Variants in ZCCHC7 observed in about 807,000 individuals in gnomAD.
ZCCHC7 encodes zinc finger CCHC-type containing 7.
Under a neutral mutation model 52.0 loss-of-function variants are expected in ZCCHC7, and 35 were observed. That is an observed-to-expected ratio of 0.67 (90% confidence interval 0.51 to 0.89). The LOEUF (loss-of-function observed/expected upper bound fraction) is 0.89. Ranked by LOEUF, ZCCHC7 falls within the 40% of genes least tolerant of loss-of-function variation. The probability of loss-of-function intolerance (pLI) is 0.00; values close to 1 mark genes in which losing one functional copy is unlikely to be tolerated. For synonymous variants in ZCCHC7, 217 were observed against 221.5 expected, an observed-to-expected ratio of 0.98 and a Z score of 0.18; for missense variants, 574 against 649.1, an observed-to-expected ratio of 0.88 and a Z score of 1.26.
chr9:37,309,678 T>G (rs1315930620), intron 5 of ZCCHC7, among the ~76,000 whole-genome samples: 2 of 152,164 alleles, frequency 1.3e-5, no homozygotes, highest in Non-Finnish European at 2.9e-5. Context: ...ACCCAGCACT[T>G]TGGGAGGCCG....
chr9:37,218,635 C>T (rs1824641888), intron 2 of ZCCHC7, among the ~76,000 whole-genome samples: 1 of 152,044 alleles, frequency 6.6e-6, no homozygotes, highest in South Asian at 2.1e-4. Context: ...ATGGTGAAAC[C>T]CTGTCTCTAC....
At chr9:37,162,498 C>T (rs1054878239) in intron 2 of ZCCHC7, among the ~76,000 whole-genome samples, 1 of 152,102 alleles carries the variant, frequency 6.6e-6, no homozygotes, top group African/African-American at 2.4e-5. Flanking sequence ...AGGGACCCTT[C>T]AGGAGTGGAG....
At chr9:37,222,682 C>T (rs1020106547) in intron 2 of ZCCHC7, among the ~76,000 whole-genome samples, 3 of 152,028 alleles carry the variant, frequency 2.0e-5, no homozygotes. Flanking sequence ...GACTTAACTA[C>T]ATCTGCATGA....
chr9:37,340,621 A>G (rs570180097), intron 6 of ZCCHC7, among the ~76,000 whole-genome samples: 4 of 152,246 alleles, frequency 2.6e-5, no homozygotes, highest in Non-Finnish European at 4.4e-5. Flanking sequence ...TTTAAATTGG[A>G]CCTTTACTGT....
intron 2 of ZCCHC7, among the ~76,000 whole-genome samples, chr9:37,197,725 A>G (rs374192747): frequency 2.0e-5 from 3 of 152,114 alleles, no homozygotes; most frequent in African/African-American, 4.8e-5. Flanking sequence ...CAAAACAGCA[A>G]TTGCACTATT....
At chr9:37,337,941 T>A (rs190298450) in intron 6 of ZCCHC7, among the ~76,000 whole-genome samples, 1 of 152,310 alleles carries the variant, frequency 6.6e-6, no homozygotes, top group African/African-American at 2.4e-5. Context: ...GAGAGCTACA[T>A]TGGAAATATT....
At chr9:37,272,600 A>C (rs1017938102) in intron 2 of ZCCHC7, among the ~76,000 whole-genome samples, 1 of 151,802 alleles carries the variant, frequency 6.6e-6, no homozygotes, top group Non-Finnish European at 1.5e-5. Flanking sequence ...ATATATGTGA[A>C]TATTCATCAC....
chr9:37,184,601 G>T (rs1197096481), intron 2 of ZCCHC7, among the ~76,000 whole-genome samples: 1 of 152,114 alleles, frequency 6.6e-6, no homozygotes. Context: ...CCCTGAGAGA[G>T]ATTTCCAGCT....
At chr9:37,172,707 A>C (rs1175996015) in intron 2 of ZCCHC7, among the ~76,000 whole-genome samples, 1 of 152,164 alleles carries the variant, frequency 6.6e-6, no homozygotes, top group Admixed American at 6.6e-5. Flanking sequence ...TGGGCATTCC[A>C]ATAGAGAGAC....
intron 2 of ZCCHC7, among the ~76,000 whole-genome samples, chr9:37,275,302 A>G (rs1036001000): frequency 7.3e-6 from 1 of 137,780 alleles, no homozygotes; most frequent in Non-Finnish European, 1.5e-5. Context: ...CTCCTAATCT[A>G]TATTGTCTAG....
chr9:37,356,719 A>T, intron 8 of ZCCHC7, 116 bp from the exon 9 acceptor site: 1 of 936,274 alleles, frequency 1.1e-6, no homozygotes, highest in Non-Finnish European at 1.6e-6. Context: ...GTGATGTCAT[A>T]CTGTTAACAT....
chr9:37,288,139 G>A (rs1046057392), intron 2 of ZCCHC7, among the ~76,000 whole-genome samples: 3 of 151,856 alleles, frequency 2.0e-5, no homozygotes, highest in Admixed American at 2.0e-4. Flanking sequence ...AATTAGCCAA[G>A]CATGGTGGTA....
At chr9:37,205,236 C>G in intron 2 of ZCCHC7, 1 of 374,818 alleles carries the variant, frequency 2.7e-6, no homozygotes, top group South Asian at 2.5e-5. Flanking sequence ...TCCAGGTTTG[C>G]CATGGTAACA....
At chr9:37,306,270 T>C (rs1435190190) in intron 5 of ZCCHC7, among the ~76,000 whole-genome samples, 5 of 151,398 alleles carry the variant, frequency 3.3e-5, no homozygotes, top group Non-Finnish European at 5.9e-5. Context: ...GGTTTCACCA[T>C]GTTGGCCATG....
chr9:37,125,649 GA>G (rs1842510210), intron 1 of ZCCHC7, among the ~76,000 whole-genome samples: 1 of 152,220 alleles, frequency 6.6e-6, no homozygotes, highest in African/African-American at 2.4e-5. Context: ...AAAAGATGAA[GA>G]ATGGATAGGA....
intron 2 of ZCCHC7, among the ~76,000 whole-genome samples, chr9:37,276,780 A>G (rs1827703257): frequency 1.3e-5 from 2 of 152,210 alleles, no homozygotes; most frequent in Non-Finnish European, 2.9e-5. Context: ...TCTCTGATGT[A>G]GAGGATTTAC....
At chr9:37,223,944 C>A (rs1034248607) in intron 2 of ZCCHC7, among the ~76,000 whole-genome samples, 1 of 151,996 alleles carries the variant, frequency 6.6e-6, no homozygotes, top group Non-Finnish European at 1.5e-5. Context: ...AGACAATGTT[C>A]TATTAAAAAT....
chr9:37,337,024 C>T (rs10973302), intron 6 of ZCCHC7, among the ~76,000 whole-genome samples: 3,978 of 152,198 alleles, frequency 0.026, 62 homozygotes, highest in Non-Finnish European at 0.037. Context: ...GAGAAATATT[C>T]CTGAGAGGAT....
intron 2 of ZCCHC7, among the ~76,000 whole-genome samples, chr9:37,295,361 G>A (rs1015038582): frequency 5.9e-5 from 9 of 152,172 alleles, no homozygotes; most frequent in Admixed American, 4.6e-4. Context: ...AATCATGAAA[G>A]GCACATTGTA....
Sources: allele counts gnomAD v4.1 joint callset (sites outside exome capture counted in the v4.1 genomes callset), GRCh38; gene constraint gnomAD v4.1.1; transcripts MANE v1.5; gene names NCBI Gene and HGNC (gene_info 2026-07-23, HGNC 2026-07-21).